Variants in SNTG2 observed in about 807,000 individuals in gnomAD.
SNTG2 encodes syntrophin gamma 2, also known as gamma-2-syntrophin.
A neutral mutation model predicts 70.9 loss-of-function variants in SNTG2; 74 were observed. That is an observed-to-expected ratio of 1.04 (90% CI 0.86 to 1.27). The LOEUF is 1.27. Ranked by LOEUF, SNTG2 falls within the 50% of genes most tolerant of loss-of-function variation. SNTG2 has a pLI of 0.00. For missense variants in SNTG2, 717 were observed against 690.7 expected (o/e 1.04, Z -0.43); for synonymous variants, 278 against 273.8 (o/e 1.02, Z -0.15).
intron 1 of SNTG2, among the ~76,000 whole-genome samples, chr2:1,078,688 G>A (rs754817328): frequency 6.6e-5 from 10 of 152,164 alleles, no homozygotes; most frequent in African/African-American, 9.7e-5. Context: ...TAACAGGGCC[G>A]CCCAGCTGTG....
chr2:1,209,388 A>C (rs1394620790), intron 9 of SNTG2, among the ~76,000 whole-genome samples, 158 bp downstream of exon 9: 1 of 152,194 alleles, frequency 6.6e-6, no homozygotes, highest in African/African-American at 2.4e-5. Flanking sequence ...AACAAGTTAA[A>C]GATAAAGAGA....
At chr2:1,029,083 G>A (rs535536159) in intron 1 of SNTG2, among the ~76,000 whole-genome samples, 2 of 152,196 alleles carry the variant, frequency 1.3e-5, no homozygotes, top group South Asian at 2.1e-4. Context: ...CCACGTTTCC[G>A]GGCTTTCCAG....
At chr2:954,198 G>A (rs1023546034) in intron 1 of SNTG2, among the ~76,000 whole-genome samples, 6 of 152,174 alleles carry the variant, frequency 3.9e-5, no homozygotes, top group African/African-American at 9.7e-5. Context: ...GCAGGTGCTC[G>A]TGGAAATGGA....
intron 16 of SNTG2, among the ~76,000 whole-genome samples, chr2:1,362,565 C>A (rs1413343481): frequency 6.6e-6 from 1 of 151,864 alleles, no homozygotes; most frequent in Non-Finnish European, 1.5e-5. Flanking sequence ...AATAGAACTT[C>A]CATGAAGGTC....
intron 4 of SNTG2, among the ~76,000 whole-genome samples, chr2:1,116,878 C>G (rs1352447162): frequency 7.9e-6 from 1 of 127,260 alleles, no homozygotes; most frequent in African/African-American, 3.0e-5. Context: ...GTACGGGTGC[C>G]CTGGTGTACG....
intron 1 of SNTG2, among the ~76,000 whole-genome samples, chr2:1,058,051 TA>T (rs1233516808): frequency 1.3e-5 from 2 of 152,094 alleles, no homozygotes; most frequent in Admixed American, 6.5e-5. Context: ...TAAAAAGCTT[TA>T]AAAAATTATA....
At chr2:1,244,247 C>T (rs374521445) in intron 11 of SNTG2, among the ~76,000 whole-genome samples, 4 of 152,200 alleles carry the variant, frequency 2.6e-5, no homozygotes, top group Non-Finnish European at 4.4e-5. Context: ...GGGATGTGTT[C>T]GCCATTCGCT....
intron 1 of SNTG2, among the ~76,000 whole-genome samples, chr2:1,007,476 G>T (rs1572215080): frequency 6.6e-6 from 1 of 152,278 alleles, no homozygotes; most frequent in East Asian, 1.9e-4. Context: ...AGTTTCCACA[G>T]TAAAAATGGC....
intron 16 of SNTG2, among the ~76,000 whole-genome samples, chr2:1,337,067 G>C (rs1024507983): frequency 6.6e-6 from 1 of 151,890 alleles, no homozygotes; most frequent in Non-Finnish European, 1.5e-5. Flanking sequence ...TCTTTTTTAG[G>C]TTGAATAATA....
At chr2:1,076,131 T>C (rs1416361727) in intron 1 of SNTG2, among the ~76,000 whole-genome samples, 1 of 152,212 alleles carries the variant, frequency 6.6e-6, no homozygotes, top group South Asian at 2.1e-4. Context: ...ATACCACCAG[T>C]ATACAGATGT....
At chr2:1,040,986 T>G (rs1184528374) in intron 1 of SNTG2, among the ~76,000 whole-genome samples, 2 of 152,184 alleles carry the variant, frequency 1.3e-5, no homozygotes, top group Admixed American at 6.5e-5. Flanking sequence ...GGCTTTTTGG[T>G]GGAGGCTAAT....
At chr2:1,237,117 A>G (rs986889436) in intron 9 of SNTG2, among the ~76,000 whole-genome samples, 24 of 150,560 alleles carry the variant, frequency 1.6e-4, no homozygotes, top group Admixed American at 7.9e-4. Context: ...TAATTTTTGT[A>G]TTTTTCGTAG....
intron 1 of SNTG2, among the ~76,000 whole-genome samples, chr2:1,054,899 A>G (rs937261571): frequency 3.9e-5 from 6 of 152,138 alleles, no homozygotes; most frequent in Non-Finnish European, 5.9e-5. Context: ...TAGCCATTTT[A>G]GAAGTTAAAA....
At chr2:1,267,866 A>G (rs1678832049) in intron 14 of SNTG2, among the ~76,000 whole-genome samples, 4 of 152,226 alleles carry the variant, frequency 2.6e-5, no homozygotes, top group Admixed American at 1.3e-4. Context: ...GTGGCGCTCA[A>G]GTTCCTGAGA....
At chr2:1,035,176 G>A (rs1661061719) in intron 1 of SNTG2, among the ~76,000 whole-genome samples, 1 of 152,154 alleles carries the variant, frequency 6.6e-6, no homozygotes, top group Non-Finnish European at 1.5e-5. Flanking sequence ...TGAGAACAAA[G>A]ATACAACAAT....
chr2:1,259,157 C>T (rs1678281878), intron 12 of SNTG2, among the ~76,000 whole-genome samples: 1 of 152,120 alleles, frequency 6.6e-6, no homozygotes, highest in African/African-American at 2.4e-5. Flanking sequence ...GGTAAAGGAT[C>T]TATTATATTT....
At chr2:1,272,741 A>G (rs1381684022) in intron 14 of SNTG2, among the ~76,000 whole-genome samples, 1 of 142,394 alleles carries the variant, frequency 7.0e-6, no homozygotes, top group Non-Finnish European at 1.5e-5. Flanking sequence ...TGCAGAAAGG[A>G]CACCCCAGGG....
At chr2:1,157,555 A>G (rs1200213686) in intron 6 of SNTG2, among the ~76,000 whole-genome samples, 2 of 152,242 alleles carry the variant, frequency 1.3e-5, no homozygotes, top group Non-Finnish European at 2.9e-5. Flanking sequence ...TATGTATAAC[A>G]GAGACTGGGT....
At chr2:1,142,411 T>A (rs770326973) in intron 6 of SNTG2, among the ~76,000 whole-genome samples, 10 of 152,326 alleles carry the variant, frequency 6.6e-5, no homozygotes, top group Admixed American at 2.6e-4. Context: ...CCTTCAGTGG[T>A]GGCATAGCCC....
Sources: allele counts gnomAD v4.1 joint callset (sites outside exome capture counted in the v4.1 genomes callset), GRCh38; gene constraint gnomAD v4.1.1; transcripts MANE v1.5; gene names NCBI Gene and HGNC (gene_info 2026-07-23, HGNC 2026-07-21).